Variants in CWF19L2 observed in about 807,000 individuals in gnomAD.
CWF19L2 encodes the protein CWF19 like cell cycle control factor 2.
Under a neutral mutation model 111.7 loss-of-function variants are expected in CWF19L2, and 98 were observed. The ratio of observed to expected loss-of-function variants is 0.88; its 90% CI spans 0.75 to 1.04. CWF19L2 has a LOEUF of 1.04. CWF19L2 is among the 50% of genes least tolerant of loss of function. The pLI is 0.00. For missense variants in CWF19L2, 1,101 were observed against 1,051.4 expected (o/e 1.05, Z -0.65); for synonymous variants, 351 against 342.9 (o/e 1.02, Z -0.26).
Position 107,426,619 on chromosome 11 carries a change from G to A in CWF19L2, c.1433+2180C>T, listed in dbSNP as rs561217041. Among the ~76,000 whole-genome samples, 13 of 151,784 alleles carry A rather than the reference G, an allele frequency of 8.6e-5. No individual in the cohort carries two copies. In the East Asian group the frequency reaches 2.3e-3, roughly 27 times the overall value. On this transcript the variant is annotated intron_variant, in intron 8 of 17. Transcript: ENST00000282251. ...TAGGTTATGCCTAAGTTTTACAATG[G>A]AGTATTAAAGAGCCTTTAAAATAAA... is the stretch of plus-strand genomic sequence containing the variant.
intron 10 of CWF19L2, among the ~76,000 whole-genome samples, chr11:107,409,721 C>T (rs935660094): frequency 2.0e-5 from 3 of 151,876 alleles, no homozygotes; most frequent in Non-Finnish European, 4.4e-5. Context: ...TGTTCAAGCA[C>T]AAGTTAGATG....
At chr11:107,442,271 C>A (rs1861628369) in intron 4 of CWF19L2, among the ~76,000 whole-genome samples, 1 of 152,166 alleles carries the variant, frequency 6.6e-6, no homozygotes. Flanking sequence ...AGCAGTACTG[C>A]CAAAATTATT....
chr11:107,362,931 T>A (rs1174980205), intron 12 of CWF19L2, among the ~76,000 whole-genome samples: 1 of 151,464 alleles, frequency 6.6e-6, no homozygotes, highest in African/African-American at 2.4e-5. Flanking sequence ...TTGAAAAAAA[T>A]TTAGCAGAAT....
chr11:107,390,274 G>T (rs1860829291), intron 11 of CWF19L2, 63 bp from the exon 12 acceptor site: 11 of 1,268,636 alleles, frequency 8.7e-6, no homozygotes, highest in Non-Finnish European at 1.2e-5. Context: ...TTTCTTGATG[G>T]ATTACATAAA....
intron 5 of CWF19L2, among the ~76,000 whole-genome samples, chr11:107,440,253 T>C (rs368314374): frequency 2.0e-5 from 3 of 152,170 alleles, no homozygotes; most frequent in East Asian, 3.8e-4. Flanking sequence ...GGCAAGAGGA[T>C]GGCAAGAAAT....
intron 10 of CWF19L2, among the ~76,000 whole-genome samples, chr11:107,401,944 T>C (rs1861005692): frequency 6.6e-6 from 1 of 152,268 alleles, no homozygotes; most frequent in East Asian, 1.9e-4. Flanking sequence ...TAAAGCCAAC[T>C]GACCTTCGAC....
chr11:107,347,909 T>A (rs1289911701), intron 14 of CWF19L2, among the ~76,000 whole-genome samples: 1 of 152,164 alleles, frequency 6.6e-6, no homozygotes, highest in Non-Finnish European at 1.5e-5. Flanking sequence ...ATCAGTTTTA[T>A]ATGTATAAAT....
At chr11:107,405,201 A>C (rs1300161444) in intron 10 of CWF19L2, among the ~76,000 whole-genome samples, 1 of 152,230 alleles carries the variant, frequency 6.6e-6, no homozygotes, top group Non-Finnish European at 1.5e-5. Context: ...ATTGGAACAC[A>C]ACCATGCTCA....
rs1860050326 is a variant in CWF19L2, at chr11:107,344,569, C to T, written c.2202+4368G>A. ...TACTTCCTTCTGGTCTCCATGGTTT[C>T]TAGTGAGAAATGCGCTGTCATTCAA... On this transcript the variant is annotated intron_variant, in intron 14 of 17. Coordinates refer to ENST00000282251, the MANE Select transcript of CWF19L2 (RefSeq NM_152434.3). 5.3e-5 allele frequency among the ~76,000 whole-genome samples: 8 copies of T among 152,150 alleles called. 1 individual carries two copies. The South Asian group carries it at 1.7e-3, about 31-fold the overall frequency.
At chr11:107,445,528 C>A (rs1313594927) in intron 3 of CWF19L2, among the ~76,000 whole-genome samples, 1 of 151,614 alleles carries the variant, frequency 6.6e-6, no homozygotes, top group Non-Finnish European at 1.5e-5. Flanking sequence ...ATCTTGAACC[C>A]GGGAGGCGGG....
At chr11:107,451,352 G>T (rs978735637) in intron 3 of CWF19L2, among the ~76,000 whole-genome samples, 2 of 152,028 alleles carry the variant, frequency 1.3e-5, no homozygotes, top group African/African-American at 4.8e-5. Context: ...ATAAATACAC[G>T]TTAGAAAAGA....
At chr11:107,429,554 A>C (rs1340674380) in intron 7 of CWF19L2, 103 bp from the exon 8 acceptor site, 1 of 828,626 alleles carries the variant, frequency 1.2e-6, no homozygotes, top group African/African-American at 1.7e-5. Flanking sequence ...GGCACACTGA[A>C]AAGCCCACTA....
intron 16 of CWF19L2, among the ~76,000 whole-genome samples, chr11:107,332,007 C>A (rs1859856373): frequency 6.6e-6 from 1 of 152,196 alleles, no homozygotes; most frequent in South Asian, 2.1e-4. Flanking sequence ...AAGGCACTGA[C>A]AGAATTAAAG....
intron 12 of CWF19L2, among the ~76,000 whole-genome samples, chr11:107,381,475 G>A (rs7122204): frequency 2.0e-5 from 3 of 152,080 alleles, no homozygotes; most frequent in Non-Finnish European, 4.4e-5. Context: ...AAAATATCAC[G>A]TTATTATTTT....
chr11:107,353,855 AAAG>A (rs1392042661), intron 12 of CWF19L2, 119 bp from the exon 13 acceptor site: 1 of 703,782 alleles, frequency 1.4e-6, no homozygotes. Flanking sequence ...ATTTAAAAGA[AAAG>A]AAAAAACATG....
chr11:107,396,934 T>A (rs904077387), intron 10 of CWF19L2, among the ~76,000 whole-genome samples: 4 of 152,100 alleles, frequency 2.6e-5, no homozygotes, highest in Admixed American at 2.0e-4. Flanking sequence ...AGGAGAAGTT[T>A]TCGACTTTAC....
At chr11:107,330,149 C>T (rs907635866) in intron 16 of CWF19L2, 130 bp from the exon 17 acceptor site, 56 of 497,664 alleles carry the variant, frequency 1.1e-4, no homozygotes, top group Non-Finnish European at 1.7e-4. Flanking sequence ...AATGAATTTC[C>T]AGTTCTAGAG....
At chr11:107,356,262 T>C (rs1460724326) in intron 12 of CWF19L2, among the ~76,000 whole-genome samples, 2 of 152,124 alleles carry the variant, frequency 1.3e-5, no homozygotes, top group East Asian at 3.9e-4. Flanking sequence ...AATTATAGCA[T>C]TAAACATCTG....
In CWF19L2 at chr11:107,433,646, G is replaced by T; in HGVS notation, c.768C>A (p.Ala256=). 1.3e-6 allele frequency: 2 copies of T among 1,541,300 alleles called. No individual in the cohort carries two copies. The highest frequency in any genetic ancestry group is 1.8e-5 in the Admixed American group (1 of 54,242). The part of the protein sequence containing the change: ...KQSRNFEDIV[A]ERYGSMEIFQ... Reference sequence around the variant, plus strand: ...AACAGATACTCACCCCATATCTTTCGGCTACAATGTCCTCAAAGTTTCTAC... The same window carrying T: ...AACAGATACTCACCCCATATCTTTCTGCTACAATGTCCTCAAAGTTTCTAC... The change falls in exon 7 of 18, where the codon GCC becomes GCA. Residue 256 remains alanine (A), a synonymous_variant. Transcript: ENST00000282251.
Sources: allele counts gnomAD v4.1 joint callset (sites outside exome capture counted in the v4.1 genomes callset), GRCh38; gene constraint gnomAD v4.1.1; transcripts MANE v1.5; gene names NCBI Gene and HGNC (gene_info 2026-07-23, HGNC 2026-07-21).